Variants in LMNTD1 observed in about 807,000 individuals in gnomAD.
The protein encoded by LMNTD1 is lamin tail domain-containing protein 1.
In LMNTD1, 35 loss-of-function variants were observed where a neutral mutation model predicts 50.9. The ratio of observed to expected loss-of-function variants is 0.69; its 90% CI spans 0.53 to 0.91. The LOEUF (loss-of-function observed/expected upper bound fraction) is 0.91. Ranked by LOEUF, LMNTD1 falls within the 40% of genes least tolerant of loss-of-function variation. The pLI is 0.00. For synonymous variants in LMNTD1, 153 were observed against 161.9 expected (o/e 0.94, Z 0.42); for missense variants, 470 against 475.5 (o/e 0.99, Z 0.11).
chr12:25,614,429 C>T (rs953161248), intron 1 of LMNTD1, among the ~76,000 whole-genome samples: 9 of 152,256 alleles, frequency 5.9e-5, no homozygotes, highest in African/African-American at 1.9e-4. Context: ...CAGCTCAGCA[C>T]ATCTGGAGAA....
At chr12:25,646,145 T>C (rs1482741056) in intron 1 of LMNTD1, among the ~76,000 whole-genome samples, 1 of 151,976 alleles carries the variant, frequency 6.6e-6, no homozygotes, top group African/African-American at 2.4e-5. Context: ...AAATAAATAG[T>C]AAACCCCAAG....
intron 9 of LMNTD1, among the ~76,000 whole-genome samples, chr12:25,485,107 T>A (rs1019964379): frequency 2.0e-5 from 3 of 148,620 alleles, no homozygotes; most frequent in African/African-American, 7.4e-5. Context: ...TTGAACTAGT[T>A]TACAGTCCCA....
At chr12:25,608,215 C>T (rs543668734) in intron 1 of LMNTD1, among the ~76,000 whole-genome samples, 51 of 152,256 alleles carry the variant, frequency 3.3e-4, no homozygotes, top group African/African-American at 1.2e-3. Flanking sequence ...TTATTTTGAG[C>T]CTATGTGTGT....
At chr12:25,529,178 C>T (rs189520278) in intron 4 of LMNTD1, among the ~76,000 whole-genome samples, 1 of 152,140 alleles carries the variant, frequency 6.6e-6, no homozygotes, top group Admixed American at 6.5e-5. Context: ...ACTTTTCAGC[C>T]CCTTTTTCTT....
chr12:25,535,445 T>C (rs903908681), intron 4 of LMNTD1, among the ~76,000 whole-genome samples: 1 of 151,910 alleles, frequency 6.6e-6, no homozygotes, highest in African/African-American at 2.4e-5. Flanking sequence ...AAATTCAAAA[T>C]ATATAAATAT....
At chr12:25,513,250 C>T (rs569845068) in intron 8 of LMNTD1, among the ~76,000 whole-genome samples, 10 of 152,266 alleles carry the variant, frequency 6.6e-5, no homozygotes, top group South Asian at 2.1e-4. Flanking sequence ...GGAACTATCT[C>T]GCATTATTGC....
At chr12:25,591,930 T>A (rs1420298153) in intron 1 of LMNTD1, among the ~76,000 whole-genome samples, 1 of 151,878 alleles carries the variant, frequency 6.6e-6, no homozygotes, top group Non-Finnish European at 1.5e-5. Context: ...TTCTTCCAGA[T>A]CTTGTCCAAG....
At chr12:25,490,669 T>C (rs1284853539) in intron 9 of LMNTD1, among the ~76,000 whole-genome samples, 2 of 152,200 alleles carry the variant, frequency 1.3e-5, no homozygotes, top group African/African-American at 2.4e-5. Flanking sequence ...TCTGGAAATA[T>C]AGGGTCATCA....
chr12:25,517,703 GTAAGAA>G (rs1326864253), intron 8 of LMNTD1, among the ~76,000 whole-genome samples: 1 of 114,538 alleles, frequency 8.7e-6, no homozygotes, highest in African/African-American at 3.5e-5. Context: ...AACTTAAAGT[GTAAGAA>G]TAATAATAAT....
At chr12:25,591,446 G>A (rs534517180) in intron 1 of LMNTD1, among the ~76,000 whole-genome samples, 2 of 152,100 alleles carry the variant, frequency 1.3e-5, no homozygotes, top group East Asian at 3.9e-4. Context: ...GGAAGAGGGG[G>A]AAGGACTGTG....
chr12:25,522,813 G>A (rs1941418124), intron 6 of LMNTD1, among the ~76,000 whole-genome samples: 1 of 152,130 alleles, frequency 6.6e-6, no homozygotes, highest in African/African-American at 2.4e-5. Context: ...TGGAATCTTA[G>A]TGATTATATT....
In LMNTD1 at chr12:25,538,223, C is replaced by T. The variant is rs1225712630; in HGVS notation, c.491+8151G>A. Among the ~76,000 whole-genome samples the T allele has an allele frequency of 4.1e-4, 33 of 80,892 alleles. 3 individuals carry two copies. In the South Asian group the frequency reaches 7.5e-3, roughly 19 times the overall value. The allele number at this position is 80,892 out of a possible 152,430, so 53.1% of individuals were successfully genotyped here. On this transcript the variant is annotated intron_variant, in intron 4 of 9. Transcript: ENST00000458174. ...ATTCAGATTCAGGAAATACAGAGAA[C>T]GCCACAAAGATACTCCTCGAGACGA... is the stretch of plus-strand genomic sequence containing the variant.
intron 4 of LMNTD1, among the ~76,000 whole-genome samples, chr12:25,531,595 A>G (rs755794226): frequency 2.6e-5 from 4 of 151,474 alleles, no homozygotes; most frequent in Non-Finnish European, 5.9e-5. Context: ...TGTTTTTTTT[A>G]AACAATGTAC....
At chr12:25,579,041 A>T (rs1027443424) in intron 1 of LMNTD1, among the ~76,000 whole-genome samples, 3 of 152,150 alleles carry the variant, frequency 2.0e-5, no homozygotes, top group Admixed American at 1.3e-4. Context: ...AAAAAGCACT[A>T]ACCTAATCCA....
chr12:25,547,959 T>C (rs1943528557), intron 3 of LMNTD1, among the ~76,000 whole-genome samples: 1 of 151,864 alleles, frequency 6.6e-6, no homozygotes, highest in Non-Finnish European at 1.5e-5. Context: ...GAAGCCACTG[T>C]ATTTCATTTT....
Position 25,598,064 on chromosome 12 carries a change from C to G in LMNTD1, c.58+50430G>C, listed in dbSNP as rs1945879951. 2.0e-5 allele frequency among the ~76,000 whole-genome samples: 3 copies of G among 152,074 alleles called. No homozygotes were observed. The South Asian group carries it at 6.2e-4, about 32-fold the overall frequency. On this transcript the variant is annotated intron_variant, in intron 1 of 7. Coordinates refer to the LMNTD1 transcript ENST00000445693. ...AGTTCCCCTGCACATGCTCTCTTGC[C>G]TGCCACCATGTAAGACAACCCATTG... is the stretch of plus-strand genomic sequence containing the variant.
At chr12:25,588,309 CGAT>C (rs1945602674) in intron 1 of LMNTD1, among the ~76,000 whole-genome samples, 1 of 152,088 alleles carries the variant, frequency 6.6e-6, no homozygotes, top group East Asian at 1.9e-4. Context: ...AAGTGGAATT[CGAT>C]GAGTACTAGT....
intron 1 of LMNTD1, among the ~76,000 whole-genome samples, chr12:25,601,691 A>G (rs929458586): frequency 1.3e-5 from 2 of 152,076 alleles, no homozygotes; most frequent in Middle Eastern, 6.8e-3. Context: ...CACAAGATAC[A>G]AGTTTATAAA....
intron 1 of LMNTD1, among the ~76,000 whole-genome samples, chr12:25,640,142 A>G (rs1236158452): frequency 6.6e-6 from 1 of 152,146 alleles, no homozygotes; most frequent in Non-Finnish European, 1.5e-5. Context: ...AAGCTAGGTG[A>G]CTTGGGGGGA....
Sources: allele counts gnomAD v4.1 joint callset (sites outside exome capture counted in the v4.1 genomes callset), GRCh38; gene constraint gnomAD v4.1.1; transcripts MANE v1.5; gene names NCBI Gene and HGNC (gene_info 2026-07-23, HGNC 2026-07-21).